Variants in FGD5 observed in about 807,000 individuals in gnomAD.
FGD5 encodes the protein FYVE, RhoGEF and PH domain containing 5, also known as FYVE, RhoGEF and PH domain-containing protein 5.
A neutral mutation model predicts 133.4 loss-of-function variants in FGD5; 28 were observed. That is an observed-to-expected ratio of 0.21 (90% CI 0.16 to 0.29). The LOEUF is 0.29. Ranked by LOEUF, FGD5 falls within the 10% of genes least tolerant of loss-of-function variation. The probability of loss-of-function intolerance (pLI) is 1.00; values close to 1 mark genes in which losing one functional copy is unlikely to be tolerated. For synonymous variants in FGD5, 810 were observed against 776.5 expected, an observed-to-expected ratio of 1.04 and a Z score of -0.72; for missense variants, 1,858 against 1,895.2, an observed-to-expected ratio of 0.98 and a Z score of 0.36.
At chr3:14,844,884 C>G (rs146419813) in intron 1 of FGD5, among the ~76,000 whole-genome samples, 2 of 152,298 alleles carry the variant, frequency 1.3e-5, no homozygotes, top group Non-Finnish European at 2.9e-5. Flanking sequence ...GCCCTCATCT[C>G]TCCTCTTAAC....
At chr3:14,921,489 C>T (rs2038679221) in intron 13 of FGD5, 1 of 185,686 alleles carries the variant, frequency 5.4e-6, no homozygotes, top group African/African-American at 2.3e-5. Flanking sequence ...AGGTGGGAGA[C>T]ACAGATGTTT....
chr3:14,853,893 A>G (rs962235005), intron 1 of FGD5, among the ~76,000 whole-genome samples: 1 of 147,340 alleles, frequency 6.8e-6, no homozygotes, highest in African/African-American at 2.5e-5. Context: ...CGTTTAAGGT[A>G]ACAGCCTCTG....
chr3:14,870,429 C>T (rs1260864605), intron 2 of FGD5, among the ~76,000 whole-genome samples: 1 of 152,222 alleles, frequency 6.6e-6, no homozygotes, highest in Non-Finnish European at 1.5e-5. Flanking sequence ...GAGCCAGGCT[C>T]CCTTCCGCCG....
At chr3:14,896,704 C>T (rs190711914) in intron 4 of FGD5, among the ~76,000 whole-genome samples, 4,599 of 152,234 alleles carry the variant, frequency 0.03, 239 homozygotes, top group East Asian at 0.22. Flanking sequence ...CTCCTGACCT[C>T]AGGTGATCTG....
At chr3:14,812,028 G>A (rs112580128) in intron 1 of FGD5, among the ~76,000 whole-genome samples, 4,832 of 101,296 alleles carry the variant, frequency 0.048, 115 homozygotes, top group African/African-American at 0.074. Context: ...GTGTGTGTGT[G>A]TGTATGTATG....
At chr3:14,841,127 C>T (rs535688811) in intron 1 of FGD5, among the ~76,000 whole-genome samples, 3 of 152,032 alleles carry the variant, frequency 2.0e-5, no homozygotes, top group Non-Finnish European at 4.4e-5. Context: ...GCTTTTCCAG[C>T]GTTTGAGTAT....
At chr3:14,836,695 C>T (rs1298006509) in intron 1 of FGD5, among the ~76,000 whole-genome samples, 1 of 152,154 alleles carries the variant, frequency 6.6e-6, no homozygotes, top group South Asian at 2.1e-4. Context: ...GACTTGGTTC[C>T]TTGAGTAACC....
At position 14,820,674 on chromosome 3, in the gene FGD5, A is replaced by G. The variant is rs2036475229; in HGVS notation, c.1603A>G (p.Arg535Gly). 3.1e-6 allele frequency: 5 copies of G among 1,594,542 alleles called. No homozygotes were observed. The South Asian group carries it at 5.7e-5, about 18-fold the overall frequency. Residue 535 changes from arginine (R) to glycine (G), a missense_variant, in exon 1 of 20, where the codon AGG (arginine) becomes GGG (glycine). Coordinates refer to ENST00000285046, the MANE Select transcript of FGD5 (RefSeq NM_152536.4). ...SLEGKPLEAS[R>G]ALPAKPRAFT... Reference sequence around the variant, plus strand: ...GGAGGGGAAGCCCTTGGAAGCCAGCAGGGCCTTGCCAGCAAAGCCCAGGGC... The same window carrying G: ...GGAGGGGAAGCCCTTGGAAGCCAGCGGGGCCTTGCCAGCAAAGCCCAGGGC...
At chr3:14,898,391 G>A (rs2038175836) in intron 6 of FGD5, among the ~76,000 whole-genome samples, 1 of 152,178 alleles carries the variant, frequency 6.6e-6, no homozygotes, top group Non-Finnish European at 1.5e-5. Flanking sequence ...GCCGTGGAGT[G>A]TTCAAGGAAA....
At chr3:14,831,894 C>CTT (rs989107325) in intron 1 of FGD5, among the ~76,000 whole-genome samples, 6 of 151,988 alleles carry the variant, frequency 3.9e-5, no homozygotes, top group Admixed American at 1.3e-4. Context: ...GTGTGGTGGC[C>CTT]TTCCAGCTGT....
At chr3:14,839,171 T>G (rs1575199374) in intron 1 of FGD5, among the ~76,000 whole-genome samples, 1 of 152,346 alleles carries the variant, frequency 6.6e-6, no homozygotes, top group Non-Finnish European at 1.5e-5. Flanking sequence ...ATGCACAGGC[T>G]TCTGGGGACA....
upstream of FGD5, among the ~76,000 whole-genome samples, chr3:14,816,220 T>C (rs2036365262): frequency 6.6e-6 from 1 of 152,190 alleles, no homozygotes; most frequent in Non-Finnish European, 1.5e-5. Context: ...CCTGTCCCTT[T>C]GTCCTGTCTC....
chr3:14,827,293 T>G (rs866588807), intron 1 of FGD5, among the ~76,000 whole-genome samples: 2 of 147,592 alleles, frequency 1.4e-5, no homozygotes, highest in Non-Finnish European at 3.0e-5. Flanking sequence ...TTTTTTTTTT[T>G]TTTTTTTTTT....
chr3:14,888,083 T>C (rs1367275354), intron 4 of FGD5, among the ~76,000 whole-genome samples: 2 of 151,216 alleles, frequency 1.3e-5, no homozygotes, highest in African/African-American at 4.9e-5. Flanking sequence ...GGTGGGAGGA[T>C]CACTTGAGCT....
intron 9 of FGD5, among the ~76,000 whole-genome samples, chr3:14,904,696 T>C (rs1485021617): frequency 6.6e-6 from 1 of 152,246 alleles, no homozygotes; most frequent in African/African-American, 2.4e-5. Context: ...TTACTGGTAA[T>C]GTGGTATCAT....
intron 1 of FGD5, among the ~76,000 whole-genome samples, chr3:14,830,134 G>C (rs1360022428): frequency 6.6e-6 from 1 of 152,192 alleles, no homozygotes; most frequent in Non-Finnish European, 1.5e-5. Flanking sequence ...TAAGCCAGGA[G>C]CCTTCCTGTT....
chr3:14,816,583 G>T (rs2036371926), upstream of FGD5, among the ~76,000 whole-genome samples: 1 of 152,192 alleles, frequency 6.6e-6, no homozygotes, highest in South Asian at 2.1e-4. Context: ...AAGTAGCAAA[G>T]TCAGGATTTG....
In FGD5 at chr3:14,821,362, T is replaced by C; in HGVS notation, c.2291T>C (p.Ile764Thr). ...TTGCCACTGACCAAGCCACGGTCCATCTCCTTCCCCAGCGCTGACACTTCA... is the reference window on the plus strand; with the variant it reads ...TTGCCACTGACCAAGCCACGGTCCACCTCCTTCCCCAGCGCTGACACTTCA... ...LPLPLTKPRS[I>T]SFPSADTSDY... The change falls in exon 1 of 20, where the codon ATC becomes ACC. Residue 764 changes from isoleucine to threonine, a missense_variant. Around this residue, in one of 3 missense-constraint regions of FGD5, gnomAD observed 1,824 missense variants for 1,848.9 expected, o/e 0.99. Coordinates refer to ENST00000285046, the MANE Select transcript of FGD5 (RefSeq NM_152536.4). 1 of 1,613,918 alleles carries C rather than the reference T, an allele frequency of 6.2e-7. No homozygotes were observed. Among genetic ancestry groups the C allele is most frequent in the Non-Finnish European group, 8.5e-7 (1 of 1,179,866 alleles).
At chr3:14,828,913 CCAGGTTCAAGCAGGGGATTA>C (rs2036651920) in intron 1 of FGD5, among the ~76,000 whole-genome samples, 1 of 151,166 alleles carries the variant, frequency 6.6e-6, no homozygotes, top group Non-Finnish European at 1.5e-5. Context: ...CCTCTGCCTC[CCAGGTTCAAGCAGGGGATTA>C]CAGGCACTCA....
Sources: allele counts gnomAD v4.1 joint callset (sites outside exome capture counted in the v4.1 genomes callset), GRCh38; gene constraint gnomAD v4.1.1; regional missense constraint gnomAD v4.1.1; transcripts MANE v1.5; gene names NCBI Gene and HGNC (gene_info 2026-07-23, HGNC 2026-07-21).